TSPAN17: variants seen among roughly 807,000 people sequenced by gnomAD.
The protein encoded by TSPAN17 is tetraspanin-17.
A neutral mutation model predicts 40.5 loss-of-function variants in TSPAN17; 33 were observed. That is an observed-to-expected ratio of 0.81 (90% CI 0.62 to 1.09). The LOEUF (loss-of-function observed/expected upper bound fraction) is 1.09, where lower values mean the gene tolerates loss of function less well. TSPAN17 is among the 50% of genes least tolerant of loss of function. The probability of loss-of-function intolerance (pLI) is 0.00; values close to 1 mark genes in which losing one functional copy is unlikely to be tolerated. For missense variants in TSPAN17, 365 were observed against 416.8 expected (o/e 0.88, Z 1.08); for synonymous variants, 166 against 169.4 (o/e 0.98, Z 0.15).
chr5:176,656,625 G>T, intron 6 of TSPAN17, 75 bp from the exon 7 acceptor site: 1 of 1,489,620 alleles, frequency 6.7e-7, no homozygotes, highest in Non-Finnish European at 9.3e-7. Flanking sequence ...GGGTGGGCGT[G>T]AGCTTGGCAG....
At chr5:176,652,007 C>A (rs980040694) in intron 3 of TSPAN17, 107 bp downstream of exon 3, 2 of 1,436,910 alleles carry the variant, frequency 1.4e-6, no homozygotes, top group Admixed American at 4.1e-5. Context: ...ATGCTATAAT[C>A]GTCATCGTTA....
At chr5:176,657,119 C>T (rs1477765291) in intron 8 of TSPAN17, 163 bp downstream of exon 8, 29 of 749,018 alleles carry the variant, frequency 3.9e-5, no homozygotes, top group South Asian at 1.1e-4. Context: ...TGTCCACCCA[C>T]GGAGGAAGTT....
intron 8 of TSPAN17, 131 bp from the exon 9 acceptor site, chr5:176,657,387 T>A: frequency 8.9e-6 from 13 of 1,462,234 alleles, no homozygotes; most frequent in Non-Finnish European, 1.2e-5. Context: ...CCTGAGCCAC[T>A]GCCTCACACA....
At position 176,654,799 on chromosome 5, in the gene TSPAN17, A is replaced by G; in HGVS notation, c.457-96A>G. On this transcript the variant is annotated intron_variant, in intron 4 of 8. Transcript: ENST00000508164. This position sits in a 1 kb window ranked among gnomAD's most constrained non-coding sequence, Gnocchi z 4.3. ...CTTGGCTGTCCCAGCCCTGTCCCAG[A>G]CAGCCCTGTATTCCTGCAGCCTGGG... 6.7e-7 allele frequency: 1 copy of G among 1,486,634 alleles called. No homozygotes were observed. The highest frequency in any genetic ancestry group is 1.4e-5 in the African/African-American group (1 of 72,620). 92.1% of individuals were successfully genotyped at this position (1,486,634 alleles called of 1,614,324 possible). A position where few individuals can be genotyped will look rare whatever the true frequency, so the allele number is the denominator to read the frequency against.
intron 4 of TSPAN17, 121 bp downstream of exon 4, chr5:176,653,034 G>C: frequency 9.2e-7 from 1 of 1,084,790 alleles, no homozygotes; most frequent in Non-Finnish European, 1.4e-6. Context: ...GGCCCCAGGA[G>C]AGAGACCCAG....
At chr5:176,649,224 A>G (rs1337992024) in intron 1 of TSPAN17, among the ~76,000 whole-genome samples, 1 of 151,906 alleles carries the variant, frequency 6.6e-6, no homozygotes, top group Non-Finnish European at 1.5e-5. Flanking sequence ...TGAGGTGGGA[A>G]AGGTGAGGGA....
chr5:176,657,960 T>C lies in TSPAN17; in HGVS notation c.*262T>C. The C allele has an allele frequency of 2.2e-6, 1 of 462,884 alleles. No homozygotes were observed. The highest frequency in any genetic ancestry group is 3.5e-6 in the Non-Finnish European group (1 of 288,190). 28.7% of individuals were successfully genotyped at this position (462,884 alleles called of 1,614,324 possible). ...ACGGGGACCTGAAGGATGGAGAGGCTGGACCCCGCTTTGAAGAGGGTGCAG... is the reference window on the plus strand; with the variant it reads ...ACGGGGACCTGAAGGATGGAGAGGCCGGACCCCGCTTTGAAGAGGGTGCAG... On this transcript the variant is annotated 3_prime_UTR_variant, in exon 9 of 9. Coordinates refer to ENST00000508164, the MANE Select transcript of TSPAN17 (RefSeq NM_130465.5).
Position 176,651,735 on chromosome 5 carries a change from C to A in TSPAN17, c.139-19C>A. The A allele has an allele frequency of 6.2e-7, 1 of 1,614,072 alleles. No individual in the cohort carries two copies. The highest frequency in any genetic ancestry group is 1.1e-5 in the South Asian group (1 of 91,080). On this transcript the variant is annotated intron_variant, in intron 2 of 8. Transcript: ENST00000508164. This position sits in a 1 kb window ranked among gnomAD's most constrained non-coding sequence, Gnocchi z 4.5. ...TGGGAAGGTCAGCTCCCCACACCTGCCTCTGCTGCCCGGCACAGGGCGTTC... is the reference window on the plus strand; with the variant it reads ...TGGGAAGGTCAGCTCCCCACACCTGACTCTGCTGCCCGGCACAGGGCGTTC...
rs1351639334 is a variant in TSPAN17, at chr5:176,654,403, G to C, written c.457-492G>C. 5.8e-6 allele frequency: 1 copy of C among 173,732 alleles called. No individual in the cohort carries two copies. Among genetic ancestry groups the C allele is most frequent in the Non-Finnish European group, 1.2e-5 (1 of 80,412 alleles). 10.8% of individuals were successfully genotyped at this position (173,732 alleles called of 1,614,324 possible). A position where few individuals can be genotyped will look rare whatever the true frequency, so the allele number is the denominator to read the frequency against. ...GGGTGTTCTGGGTGGGGGTGATGGG[G>C]TGTGGGATGATGCCAGCCGGCATGG... On this transcript the variant is annotated intron_variant, in intron 4 of 8. Coordinates refer to ENST00000508164, the MANE Select transcript of TSPAN17 (RefSeq NM_130465.5). This position sits in a 1 kb window ranked among gnomAD's most constrained non-coding sequence, Gnocchi z 4.3.
chr5:176,649,370 G>A (rs1037084363), intron 1 of TSPAN17, among the ~76,000 whole-genome samples: 1 of 152,070 alleles, frequency 6.6e-6, no homozygotes, highest in African/African-American at 2.4e-5. Context: ...CATGTTTAAT[G>A]TCAGGCAGAC....
In TSPAN17 at chr5:176,650,382, A is replaced by G. The variant is rs1333329051; in HGVS notation, c.88-1234A>G. Among the ~76,000 whole-genome samples the G allele has an allele frequency of 6.6e-6, 1 of 152,058 alleles. No homozygotes were observed. Among genetic ancestry groups the G allele is most frequent in the African/African-American group, 2.4e-5 (1 of 41,408 alleles). ...AGCTCACTTCCCAGCTGTTTTCCCA[A>G]AGTGCTTTAATTGTATTTCCTTGGC... On this transcript the variant is annotated intron_variant, in intron 1 of 8. Transcript: ENST00000508164. The surrounding 1 kb of genome is among the most constrained non-coding windows in gnomAD (Gnocchi z 4.0).
rs74793226 is a variant in TSPAN17 at position 176,647,642 on chromosome 5, G to A, written c.27G>A (p.Gln9=). 24,176 of 1,597,182 alleles carry A rather than the reference G, an allele frequency of 0.015. 432 individuals carry two copies. Among genetic ancestry groups the A allele is most frequent in the African/African-American group, 0.079 (5,866 of 74,598 alleles). Residue 9 remains glutamine, a synonymous_variant, in exon 1 of 9, where the codon CAG becomes CAA. Transcript: ENST00000508164. MPGKHQHF[Q]EPEVGCCGKY... The stretch of plus-strand genomic sequence containing the variant: ...TGCCCGGCAAGCACCAGCATTTCCA[G>A]GAACCTGAGGTCGGCTGCTGCGGGA...
In TSPAN17 at chr5:176,657,920, A is replaced by G. The variant is rs1202079072; in HGVS notation, c.*222A>G. 1.4e-6 allele frequency: 1 copy of G among 718,500 alleles called. No individual in the cohort carries two copies. Among genetic ancestry groups the G allele is most frequent in the African/African-American group, 1.8e-5 (1 of 54,120 alleles). 44.5% of individuals were successfully genotyped at this position (718,500 alleles called of 1,614,324 possible). A position where few individuals can be genotyped will look rare whatever the true frequency, so the allele number is the denominator to read the frequency against. On this transcript the variant is annotated 3_prime_UTR_variant, in exon 9 of 9. Transcript: ENST00000508164. ...CTGCACCTCGAGGCCGCTGCGGGCC[A>G]ATCTGGAGTGAAACACGGGGACCTG...
intron 4 of TSPAN17, 99 bp downstream of exon 4, chr5:176,653,012 C>G: frequency 7.4e-7 from 1 of 1,353,126 alleles, no homozygotes; most frequent in African/African-American, 1.4e-5. Context: ...TCCTTACCCA[C>G]CTGGGCTAGC....
rs141018454 is a variant in TSPAN17 at position 176,657,640 on chromosome 5, G to A, written c.932G>A (p.Arg311Gln). 6.0e-5 allele frequency: 96 copies of A among 1,611,418 alleles called. No homozygotes were observed. Among genetic ancestry groups the A allele is most frequent in the South Asian group, 1.2e-4 (11 of 90,626 alleles). ...GCCCCTGGCCCGGCCCCACCCAGCC[G>A]ACATGTTTTCTTTGGCCTGGGTGGT... ...TGAPGPAPPS[R>Q]HVFFGLGGLY... Residue 311 changes from arginine (R) to glutamine (Q), a missense_variant, in exon 9 of 9, where the codon CGA becomes CAA. Physicochemically the swap from Arg to Gln is conservative, Grantham distance 43 (BLOSUM62 1). Coordinates refer to ENST00000508164, the MANE Select transcript of TSPAN17 (RefSeq NM_130465.5).
Position 176,654,888 on chromosome 5 carries a change from C to T in TSPAN17, c.457-7C>T. On this transcript the variant is annotated splice_polypyrimidine_tract_variant and splice_region_variant and intron_variant, in intron 4 of 8. Coordinates refer to ENST00000508164, the MANE Select transcript of TSPAN17 (RefSeq NM_130465.5). The surrounding 1 kb of genome is among the most constrained non-coding windows in gnomAD (Gnocchi z 4.3). ...GGCTCACCTGGGGCTCTCCCCTGCC[C>T]CCACAGTGGTCTTGCTGCGGAGCCC... The T allele has an allele frequency of 6.2e-7, 1 of 1,613,660 alleles. No individual in the cohort carries two copies. The highest frequency in any genetic ancestry group is 8.5e-7 in the Non-Finnish European group (1 of 1,179,798).
intron 1 of TSPAN17, among the ~76,000 whole-genome samples, chr5:176,649,007 G>C (rs976906637): frequency 6.6e-6 from 1 of 152,178 alleles, no homozygotes; most frequent in Non-Finnish European, 1.5e-5. Flanking sequence ...TACCGAGGGG[G>C]AGCAGGCGTG....
chr5:176,655,074 G>C (rs922769970), intron 5 of TSPAN17, 54 bp downstream of exon 5: 3 of 1,550,746 alleles, frequency 1.9e-6, no homozygotes, highest in Non-Finnish European at 1.7e-6. Context: ...ACAGACTCTG[G>C]AGAAACCTCC....
chr5:176,656,787 G>A lies in TSPAN17; in HGVS notation c.718G>A (p.Gly240Arg). Residue 240 changes from glycine (G) to arginine (R), a missense_variant, in exon 7 of 9, where the codon GGA becomes AGA. Physicochemically the swap from Gly to Arg is moderately radical, Grantham distance 125. Transcript: ENST00000508164. ...WLQDNLIVVA[G>R]VFMGIALLQI... ...GCAGGACAACCTGATTGTGGTGGCG[G>A]GAGTCTTCATGGGCATCGCCCTCCT... 6.2e-7 allele frequency: 1 copy of A among 1,614,214 alleles called. No individual in the cohort carries two copies. Among genetic ancestry groups the A allele is most frequent in the Non-Finnish European group, 8.5e-7 (1 of 1,180,020 alleles).
Sources: gnomAD v4.1 joint callset for allele counts (sites outside exome capture counted in the v4.1 genomes callset) on GRCh38, gnomAD v4.1.1 for gene constraint, Gnocchi (gnomAD v3.1) non-coding constraint, MANE v1.5 for transcripts, NCBI Gene and HGNC (gene_info 2026-07-23, HGNC 2026-07-21) for gene names.